DPP6: variants seen among roughly 807,000 people sequenced by gnomAD.
The protein encoded by DPP6 is A-type potassium channel modulatory protein DPP6.
In DPP6, 69 loss-of-function variants were observed where a neutral mutation model predicts 122.6. The ratio of observed to expected loss-of-function variants is 0.56; its 90% CI spans 0.46 to 0.69. DPP6 has a LOEUF of 0.69. Ranked by LOEUF, DPP6 falls within the 30% of genes least tolerant of loss-of-function variation. DPP6 has a pLI of 0.00. For synonymous variants in DPP6, 418 were observed against 433.1 expected, an observed-to-expected ratio of 0.97 and a Z score of 0.43; for missense variants, 928 against 1,116.9, an observed-to-expected ratio of 0.83 and a Z score of 2.41.
chr7:154,394,304 C>T (rs1814886619), intron 1 of DPP6, among the ~76,000 whole-genome samples: 2 of 152,138 alleles, frequency 1.3e-5, no homozygotes, highest in African/African-American at 4.8e-5. Flanking sequence ...TAAAGAGGAT[C>T]TCATTGTGGT....
In DPP6 at chr7:154,481,052, G is replaced by T. The variant is rs373495706; in HGVS notation, c.457+6015G>T. On this transcript the variant is annotated intron_variant, in intron 3 of 25. Coordinates refer to ENST00000377770, the MANE Select transcript of DPP6 (RefSeq NM_130797.4). This position sits in a 1 kb window ranked among gnomAD's most constrained non-coding sequence, Gnocchi z 4.2. ...TTGGCATCAGTCCACTCGGAGGGTT[G>T]GAGGGCTGGACTCAAGCCCAGCAGC... Among the ~76,000 whole-genome samples the T allele has an allele frequency of 6.6e-6, 1 of 152,154 alleles. No homozygotes were observed. The highest frequency in any genetic ancestry group is 2.4e-5 in the African/African-American group (1 of 41,412).
At chr7:154,242,621 G>A (rs1160352417) in intron 1 of DPP6, among the ~76,000 whole-genome samples, 4 of 152,244 alleles carry the variant, frequency 2.6e-5, no homozygotes, top group African/African-American at 9.6e-5. Context: ...GTGAGGCTCA[G>A]TTTGCCCCAG....
intron 7 of DPP6, among the ~76,000 whole-genome samples, chr7:154,700,310 G>A (rs1411371101): frequency 1.3e-5 from 2 of 152,184 alleles, no homozygotes; most frequent in Admixed American, 1.3e-4. Context: ...GGTTTCCCTT[G>A]TCTTAAAGAT....
Position 154,784,048 on chromosome 7 carries a change from G to A in DPP6, c.1137-10031G>A, listed in dbSNP as rs73500217. Among the ~76,000 whole-genome samples, 766 of 152,208 alleles carry A rather than the reference G, an allele frequency of 5.0e-3. 5 individuals carry two copies. Among genetic ancestry groups the A allele is most frequent in the African/African-American group, 0.017 (709 of 41,536 alleles). Reference sequence around the variant, plus strand: ...ACTGCACAAGGAAAGGAGAGTTTTCGGCTCCAGCTTGAGCCACTGGGACTT... The same window carrying A: ...ACTGCACAAGGAAAGGAGAGTTTTCAGCTCCAGCTTGAGCCACTGGGACTT... On this transcript the variant is annotated intron_variant, in intron 10 of 25. Coordinates refer to ENST00000377770, the MANE Select transcript of DPP6 (RefSeq NM_130797.4).
intron 1 of DPP6, among the ~76,000 whole-genome samples, chr7:154,002,041 T>A (rs1797714505): frequency 6.6e-6 from 1 of 152,136 alleles, no homozygotes; most frequent in South Asian, 2.1e-4. Flanking sequence ...CAGGTGTGTG[T>A]TTTCCAAGTT....
intron 1 of DPP6, among the ~76,000 whole-genome samples, chr7:154,434,319 T>C (rs762483352): frequency 1.3e-5 from 2 of 152,174 alleles, no homozygotes; most frequent in Non-Finnish European, 2.9e-5. Flanking sequence ...CCGTATTTTC[T>C]CCTTTTGTGA....
At position 154,483,580 on chromosome 7, in the gene DPP6, A is replaced by T. The variant is rs1227101567; in HGVS notation, c.457+8543A>T. On this transcript the variant is annotated intron_variant, in intron 3 of 25. Transcript: ENST00000377770. This position sits in a 1 kb window ranked among gnomAD's most constrained non-coding sequence, Gnocchi z 8.1. ...GCCTTATTTGGTCAATCCTGTTGGA[A>T]AGTTCTTAGTTACAGAAGTTAGTTG... is the stretch of plus-strand genomic sequence containing the variant. 6.6e-6 allele frequency among the ~76,000 whole-genome samples: 1 copy of T among 152,198 alleles called. No individual in the cohort carries two copies. Among genetic ancestry groups the T allele is most frequent in the Non-Finnish European group, 1.5e-5 (1 of 68,030 alleles).
chr7:154,495,895 G>C (rs113451120), intron 3 of DPP6, among the ~76,000 whole-genome samples: 2,264 of 152,242 alleles, frequency 0.015, 49 homozygotes, highest in African/African-American at 0.05. Flanking sequence ...CTGAACATTT[G>C]GCACAGCAGT....
intron 1 of DPP6, among the ~76,000 whole-genome samples, chr7:154,060,615 C>T (rs1290362809): frequency 6.9e-6 from 1 of 144,794 alleles, no homozygotes; most frequent in African/African-American, 2.6e-5. Flanking sequence ...CCCCCCCTGG[C>T]TCTGAGGACC....
intron 1 of DPP6, among the ~76,000 whole-genome samples, chr7:153,969,821 C>CT (rs1203092840): frequency 2.0e-5 from 3 of 151,240 alleles, no homozygotes. Context: ...TTCCCTCTAT[C>CT]TTTTTACAGT....
intron 4 of DPP6, among the ~76,000 whole-genome samples, chr7:154,543,599 A>G (rs1828903843): frequency 6.6e-6 from 1 of 152,148 alleles, no homozygotes; most frequent in Non-Finnish European, 1.5e-5. Context: ...CCTTCCCCCA[A>G]ACAATTTCTT....
chr7:154,515,705 C>T (rs1826435115), intron 3 of DPP6, among the ~76,000 whole-genome samples: 1 of 152,138 alleles, frequency 6.6e-6, no homozygotes, highest in African/African-American at 2.4e-5. Flanking sequence ...TCTCGAAATC[C>T]TGACCTGATC....
intron 5 of DPP6, among the ~76,000 whole-genome samples, chr7:154,570,162 C>T (rs1831022916): frequency 6.6e-6 from 1 of 151,870 alleles, no homozygotes; most frequent in African/African-American, 2.4e-5. Flanking sequence ...AAGAGCTTTC[C>T]AGCACAGCAT....
chr7:154,127,622 C>CACACACAG (rs1563225640), intron 1 of DPP6, among the ~76,000 whole-genome samples: 2 of 121,144 alleles, frequency 1.7e-5, no homozygotes, highest in South Asian at 5.4e-4. Flanking sequence ...CACACACACA[C>CACACACAG]ACACACACAC....
chr7:154,841,475 T>C (rs1488769370), intron 16 of DPP6, among the ~76,000 whole-genome samples: 1 of 152,158 alleles, frequency 6.6e-6, no homozygotes, highest in Non-Finnish European at 1.5e-5. Flanking sequence ...CCAAGGGGCA[T>C]AAAACTGATG....
intron 7 of DPP6, among the ~76,000 whole-genome samples, 174 bp from the exon 8 acceptor site, chr7:154,727,593 G>T (rs901099025): frequency 1.3e-5 from 2 of 152,138 alleles, no homozygotes; most frequent in African/African-American, 4.8e-5. Flanking sequence ...ATCCTTACAG[G>T]TATATTCTGT....
At chr7:154,543,214 T>C (rs116156060) in intron 4 of DPP6, among the ~76,000 whole-genome samples, 1,746 of 152,324 alleles carry the variant, frequency 0.011, 39 homozygotes, top group African/African-American at 0.04. Flanking sequence ...ACTGTAATTT[T>C]TAAGTTGGGC....
At chr7:154,469,984 T>G (rs1295750307) in intron 2 of DPP6, among the ~76,000 whole-genome samples, 1 of 152,228 alleles carries the variant, frequency 6.6e-6, no homozygotes, top group Non-Finnish European at 1.5e-5. Flanking sequence ...GGTACCGACG[T>G]TGGAAAATGG....
intron 1 of DPP6, among the ~76,000 whole-genome samples, chr7:153,900,763 C>A (rs558419090): frequency 6.6e-6 from 1 of 152,260 alleles, no homozygotes; most frequent in East Asian, 1.9e-4. Flanking sequence ...TATAGCAGCA[C>A]CCAAAAGCTG....
Sources: allele counts gnomAD v4.1 joint callset (sites outside exome capture counted in the v4.1 genomes callset), GRCh38; gene constraint gnomAD v4.1.1; non-coding constraint Gnocchi (gnomAD v3.1); transcripts MANE v1.5; gene names NCBI Gene and HGNC (gene_info 2026-07-23, HGNC 2026-07-21).